The following CDH4 variants were observed in gnomAD, a reference collection of about 807,000 sequenced individuals.
The protein encoded by CDH4 is cadherin-4.
In CDH4, 33 loss-of-function variants were observed where a neutral mutation model predicts 86.0. The observed-to-expected ratio is 0.38, with a 90% CI of 0.29 to 0.51. The LOEUF is 0.51. Ranked by LOEUF, CDH4 falls within the 20% of genes least tolerant of loss-of-function variation. CDH4 has a pLI of 0.86. For synonymous variants in CDH4, 555 were observed against 549.4 expected (o/e 1.01, Z -0.14); for missense variants, 1,114 against 1,307.4 (o/e 0.85, Z 2.28).
intron 2 of CDH4, among the ~76,000 whole-genome samples, chr20:61,511,724 A>G (rs920082586): frequency 2.0e-5 from 3 of 152,240 alleles, no homozygotes; most frequent in Admixed American, 6.5e-5. Flanking sequence ...CAGAGGTTTA[A>G]GAGAGCTTGG....
chr20:61,521,394 G>A (rs1336957367), intron 2 of CDH4, among the ~76,000 whole-genome samples: 2 of 152,176 alleles, frequency 1.3e-5, no homozygotes, highest in Non-Finnish European at 2.9e-5. Flanking sequence ...GAGTTTGTAG[G>A]GATCGTAAGA....
chr20:61,880,853 A>C (rs1984243761), intron 7 of CDH4, among the ~76,000 whole-genome samples: 1 of 152,254 alleles, frequency 6.6e-6, no homozygotes, highest in Non-Finnish European at 1.5e-5. Flanking sequence ...CAGAGCTGGC[A>C]GGTGTGGCCA....
intron 2 of CDH4, among the ~76,000 whole-genome samples, chr20:61,361,272 G>T (rs1422001935): frequency 6.6e-6 from 1 of 151,888 alleles, no homozygotes; most frequent in African/African-American, 2.4e-5. Flanking sequence ...TTTGCCAAGA[G>T]ACTTGCACGC....
Position 61,715,786 on chromosome 20 carries a change from G to A in CDH4, c.170-27777G>A, listed in dbSNP as rs373035755. 1.1e-4 allele frequency among the ~76,000 whole-genome samples: 16 copies of A among 152,334 alleles called. No homozygotes were observed. In the South Asian group the frequency reaches 3.3e-3, roughly 32 times the overall value. On this transcript the variant is annotated intron_variant, in intron 2 of 15. Coordinates refer to ENST00000614565, the MANE Select transcript of CDH4 (RefSeq NM_001794.5). ...GGTCAGCAGCCTCTTGGAAGTCACA[G>A]CAATGCTCATCTAACATGCAGCTTG...
In CDH4 at chr20:61,302,058, A is replaced by G. The variant is rs186225634; in HGVS notation, c.169+47121A>G. ...AGTATTTAAAGGCTAATGCAAAGGT[A>G]AAAGCAGATTGTTTTAATTTGCAAG... On this transcript the variant is annotated intron_variant, in intron 2 of 15. Transcript: ENST00000614565. Among the ~76,000 whole-genome samples the G allele has an allele frequency of 1.7e-3, 258 of 152,378 alleles. 1 individual carries two copies. Among genetic ancestry groups the G allele is most frequent in the Admixed American group, 2.4e-3 (37 of 15,314 alleles).
At chr20:61,459,620 T>C (rs1600694786) in intron 2 of CDH4, among the ~76,000 whole-genome samples, 1 of 150,958 alleles carries the variant, frequency 6.6e-6, no homozygotes, top group South Asian at 2.2e-4. Flanking sequence ...GGGAGGGACA[T>C]GGTGAGGACA....
intron 2 of CDH4, among the ~76,000 whole-genome samples, chr20:61,558,691 G>C (rs570359281): frequency 6.6e-6 from 1 of 152,248 alleles, no homozygotes; most frequent in Non-Finnish European, 1.5e-5. Flanking sequence ...TCCCAGGAGA[G>C]CTGCGAATAG....
Position 61,411,690 on chromosome 20 carries a change from A to C in CDH4, c.169+156753A>C, listed in dbSNP as rs2085120542. On this transcript the variant is annotated intron_variant, in intron 2 of 15. Transcript: ENST00000614565. Reference sequence around the variant, plus strand: ...GCAGAGCAGGATTTGAGCTCAAAAAAATCAAAATGAAATGAGCAGTGCCTG... The same window carrying C: ...GCAGAGCAGGATTTGAGCTCAAAAACATCAAAATGAAATGAGCAGTGCCTG... 2.6e-5 allele frequency among the ~76,000 whole-genome samples: 4 copies of C among 152,278 alleles called. No homozygotes were observed. The South Asian group carries it at 8.3e-4, about 32-fold the overall frequency.
chr20:61,857,999 G>A (rs1414519631), intron 6 of CDH4, among the ~76,000 whole-genome samples: 1 of 151,754 alleles, frequency 6.6e-6, no homozygotes, highest in Non-Finnish European at 1.5e-5. Context: ...GTGTGTCTCT[G>A]TGTGTCTCTG....
intron 2 of CDH4, among the ~76,000 whole-genome samples, chr20:61,296,175 A>C (rs1212156273): frequency 1.3e-5 from 2 of 151,474 alleles, no homozygotes; most frequent in African/African-American, 2.4e-5. Flanking sequence ...TGTCGAAATA[A>C]GTATGAGTGT....
At chr20:61,620,313 T>A (rs909960560) in intron 2 of CDH4, among the ~76,000 whole-genome samples, 1 of 149,584 alleles carries the variant, frequency 6.7e-6, no homozygotes. Flanking sequence ...GGTAGATAGG[T>A]AGGTAGATGG....
intron 2 of CDH4, among the ~76,000 whole-genome samples, chr20:61,490,854 C>T (rs6121644): frequency 6.6e-6 from 1 of 152,110 alleles, no homozygotes; most frequent in Admixed American, 6.5e-5. Flanking sequence ...CTCCCAAATC[C>T]TTAAAGAAAC....
chr20:61,401,420 C>T lies in CDH4; in HGVS notation c.169+146483C>T, dbSNP rs186720259. ...CAAAAAGAACAGGGTCAGAATCTCA[C>T]GATTGCACCCCACCCTACCATGGGG... On this transcript the variant is annotated intron_variant, in intron 2 of 15. Transcript: ENST00000614565. Among the ~76,000 whole-genome samples the T allele has an allele frequency of 5.9e-3, 901 of 152,194 alleles. 6 individuals carry two copies. The highest frequency in any genetic ancestry group is 7.9e-3 in the Non-Finnish European group (535 of 68,028).
Position 61,393,686 on chromosome 20 carries a change from C to T in CDH4, c.169+138749C>T, listed in dbSNP as rs1174662331. ...GAAGTAGACCTGGCTGGGTGAGAGT[C>T]ACTGCAGCCCCTCACGCCTCTGTTG... On this transcript the variant is annotated intron_variant, in intron 2 of 15. Coordinates refer to ENST00000614565, the MANE Select transcript of CDH4 (RefSeq NM_001794.5). This position sits in a 1 kb window ranked among gnomAD's most constrained non-coding sequence, Gnocchi z 4.3. Among the ~76,000 whole-genome samples, 2 of 152,028 alleles carry T rather than the reference C, an allele frequency of 1.3e-5. No homozygotes were observed. The highest frequency in any genetic ancestry group is 4.8e-5 in the African/African-American group (2 of 41,388).
chr20:61,808,856 T>G, intron 4 of CDH4, among the ~76,000 whole-genome samples: 1 of 152,256 alleles, frequency 6.6e-6, no homozygotes, highest in Non-Finnish European at 1.5e-5. Flanking sequence ...TAAATCAACT[T>G]CTTTTTTAAA....
rs368066441 is a variant in CDH4, at chr20:61,924,367, G to A, written c.1662G>A (p.Leu554=). Residue 554 remains leucine, a synonymous_variant, in exon 11 of 16, where the codon CTG becomes CTA. Transcript: ENST00000614565. The part of the protein sequence containing the change: ...YSKLSDPASW[L]HINATNGQIT... ...AGCTGTCAGACCCAGCGAGCTGGCT[G>A]CACATCAATGCCACCAACGGCCAGA... 7 of 1,613,580 alleles carry A rather than the reference G, an allele frequency of 4.3e-6. No individual in the cohort carries two copies. In the African/African-American group the frequency reaches 8.0e-5, roughly 18 times the overall value.
intron 2 of CDH4, among the ~76,000 whole-genome samples, chr20:61,354,987 T>A (rs571053011): frequency 4.4e-4 from 67 of 152,310 alleles, no homozygotes; most frequent in African/African-American, 1.6e-3. Flanking sequence ...TATGGGCCAT[T>A]TTCCCATAAA....
intron 2 of CDH4, among the ~76,000 whole-genome samples, chr20:61,387,581 C>G (rs546208242): frequency 6.6e-6 from 1 of 152,176 alleles, no homozygotes; most frequent in South Asian, 2.1e-4. Flanking sequence ...GAGACATAGA[C>G]ACACGCACAT....
At chr20:61,901,695 C>T (rs768003344) in intron 8 of CDH4, among the ~76,000 whole-genome samples, 17 of 152,268 alleles carry the variant, frequency 1.1e-4, no homozygotes, top group Admixed American at 3.9e-4. Flanking sequence ...TGGCTGGGAA[C>T]GTCAAGGCCT....
Sources: gnomAD v4.1 joint callset for allele counts (sites outside exome capture counted in the v4.1 genomes callset) on GRCh38, gnomAD v4.1.1 for gene constraint, Gnocchi (gnomAD v3.1) non-coding constraint, MANE v1.5 for transcripts, NCBI Gene and HGNC (gene_info 2026-07-23, HGNC 2026-07-21) for gene names.